Variants in RHBDL3 observed in about 807,000 individuals in gnomAD.
RHBDL3 encodes the protein rhomboid-related protein 3.
A neutral mutation model predicts 48.2 loss-of-function variants in RHBDL3; 28 were observed. That is an observed-to-expected ratio of 0.58 (90% CI 0.43 to 0.80). The LOEUF (loss-of-function observed/expected upper bound fraction) is 0.80, where lower values mean the gene tolerates loss of function less well. Among genes scored for constraint, RHBDL3 ranks in the 30% least tolerant of loss-of-function variants. The pLI, the probability that RHBDL3 is intolerant of heterozygous loss-of-function variation, is 0.00. For synonymous variants in RHBDL3, 208 were observed against 232.3 expected, an observed-to-expected ratio of 0.90 and a Z score of 0.95; for missense variants, 464 against 542.7, an observed-to-expected ratio of 0.85 and a Z score of 1.44.
intron 2 of RHBDL3, among the ~76,000 whole-genome samples, chr17:32,275,365 A>G (rs2039873500): frequency 6.6e-6 from 1 of 152,198 alleles, no homozygotes; most frequent in African/African-American, 2.4e-5. Flanking sequence ...TGCCAAAGGC[A>G]GGGGCCATTC....
In RHBDL3 at chr17:32,288,924, A is replaced by C; in HGVS notation, c.427A>C (p.Thr143Pro). 1 of 1,614,132 alleles carries C rather than the reference A, an allele frequency of 6.2e-7. No homozygotes were observed. Among genetic ancestry groups the C allele is most frequent in the Non-Finnish European group, 8.5e-7 (1 of 1,180,034 alleles). The change falls in exon 4 of 9, where the codon ACC (threonine) becomes CCC (proline). Residue 143 changes from threonine to proline, a missense_variant. By Grantham distance (38) the Thr-to-Pro change is conservative. Coordinates refer to ENST00000269051, the MANE Select transcript of RHBDL3 (RefSeq NM_138328.3). ...QRLIRHVAYE[T>P]LPREIDRKWY... is the part of the protein sequence containing the mutation. ...ACTTATCCGCCATGTGGCCTATGAG[A>C]CCCTGCCCCGGGAAATTGACCGCAA...
At chr17:32,281,538 G>A (rs753006845) in intron 2 of RHBDL3, among the ~76,000 whole-genome samples, 12 of 152,078 alleles carry the variant, frequency 7.9e-5, no homozygotes, top group East Asian at 3.9e-4. Context: ...TTCTCAGCCC[G>A]CACCCCACCC....
intron 7 of RHBDL3, among the ~76,000 whole-genome samples, chr17:32,313,162 A>C (rs949212867): frequency 8.6e-5 from 13 of 152,002 alleles, no homozygotes; most frequent in Non-Finnish European, 1.8e-4. Context: ...TTCAAGACCA[A>C]CCTGACAACA....
At chr17:32,266,471 A>G (rs865920755) in intron 1 of RHBDL3, among the ~76,000 whole-genome samples, 171 bp downstream of exon 1, 69 of 151,856 alleles carry the variant, frequency 4.5e-4, no homozygotes, top group African/African-American at 1.5e-3. Flanking sequence ...TCTCCCCGAA[A>G]CGCGCGCGCA....
rs1340336713 is a variant in RHBDL3 at position 32,319,177 on chromosome 17, C to CT, written c.944-1778dup. Among the ~76,000 whole-genome samples the CT allele has an allele frequency of 2.6e-5, 4 of 151,588 alleles. No homozygotes were observed. The East Asian group carries it at 5.8e-4, about 22-fold the overall frequency. On this transcript the variant is annotated intron_variant, in intron 8 of 8. Transcript: ENST00000269051. ...GTGGCTCACGCTTGTAATCCCAGCACTTTGGGAGGCCGAGGCGGACGGATC... is the reference window on the plus strand; with the variant it reads ...GTGGCTCACGCTTGTAATCCCAGCACTTTTGGGAGGCCGAGGCGGACGGATC...
chr17:32,272,388 G>A (rs553299331), intron 2 of RHBDL3, among the ~76,000 whole-genome samples: 7 of 152,356 alleles, frequency 4.6e-5, no homozygotes, highest in Non-Finnish European at 5.9e-5. Flanking sequence ...TGTTCTGGGA[G>A]CTGAAAAGAG....
chr17:32,279,041 T>C (rs553228572), intron 2 of RHBDL3, among the ~76,000 whole-genome samples: 1 of 152,070 alleles, frequency 6.6e-6, no homozygotes, highest in East Asian at 1.9e-4. Flanking sequence ...CACAGGAAGA[T>C]TGCTTGATCC....
rs575607621 is a variant in RHBDL3, at chr17:32,292,676, C to T, written c.520-1618C>T. ...AAAATTAGCTGGGCATGGTGGCACA[C>T]GTCTAATCCCAGCTACTTGGGAGGC... is the stretch of plus-strand genomic sequence containing the variant. On this transcript the variant is annotated intron_variant, in intron 4 of 8. Coordinates refer to ENST00000269051, the MANE Select transcript of RHBDL3 (RefSeq NM_138328.3). Among the ~76,000 whole-genome samples the T allele has an allele frequency of 2.1e-4, 32 of 151,968 alleles. 1 individual carries two copies. In the South Asian group the frequency reaches 5.8e-3, roughly 28 times the overall value.
In RHBDL3 at chr17:32,288,841, A is replaced by T. The variant is rs764586713; in HGVS notation, c.344A>T (p.Asn115Ile). 5.6e-6 allele frequency: 9 copies of T among 1,614,038 alleles called. No individual in the cohort carries two copies. Among genetic ancestry groups the T allele is most frequent in the South Asian group, 5.5e-5 (5 of 91,066 alleles). The change falls in exon 4 of 9, where the codon AAC becomes ATC. Residue 115 changes from asparagine to isoleucine, a missense_variant. By Grantham distance (149) the Asn-to-Ile change is moderately radical (BLOSUM62 -3). Transcript: ENST00000269051. Reference protein sequence around the residue: ...NSFRQAILQGNRRLSSKALLE... With the variant: ...NSFRQAILQGIRRLSSKALLE... ...TTCCGCCAAGCCATCCTGCAGGGCA[A>T]CCGCAGGCTAAGCAGCAAGGCCCTG... is the stretch of plus-strand genomic sequence containing the variant.
chr17:32,296,052 C>CCG (rs2040437867), intron 5 of RHBDL3, among the ~76,000 whole-genome samples: 1 of 151,850 alleles, frequency 6.6e-6, no homozygotes, highest in Non-Finnish European at 1.5e-5. Flanking sequence ...TGGTGAAACC[C>CCG]CGTCTCTACT....
chr17:32,301,255 C>A (rs2040575803), intron 6 of RHBDL3, among the ~76,000 whole-genome samples: 1 of 151,714 alleles, frequency 6.6e-6, no homozygotes, highest in Non-Finnish European at 1.5e-5. Context: ...ATATGGCACA[C>A]AATGTAGGTA....
chr17:32,312,134 C>T (rs1234557481), intron 7 of RHBDL3, among the ~76,000 whole-genome samples: 1 of 152,238 alleles, frequency 6.6e-6, no homozygotes, highest in African/African-American at 2.4e-5. Flanking sequence ...ACACTGTCTT[C>T]AGATAAGATA....
At chr17:32,267,250 C>A (rs941123399) in intron 1 of RHBDL3, among the ~76,000 whole-genome samples, 3 of 152,062 alleles carry the variant, frequency 2.0e-5, no homozygotes, top group African/African-American at 7.2e-5. Flanking sequence ...TCCTTCTGGC[C>A]CTAAACCCCT....
At chr17:32,277,504 C>T (rs2039942270) in intron 2 of RHBDL3, among the ~76,000 whole-genome samples, 1 of 152,216 alleles carries the variant, frequency 6.6e-6, no homozygotes, top group Non-Finnish European at 1.5e-5. Context: ...GGGTTTGCTC[C>T]CTGAGAGCTC....
intron 8 of RHBDL3, 75 bp downstream of exon 8, chr17:32,316,367 C>A (rs2040973825): frequency 1.8e-6 from 2 of 1,132,048 alleles, no homozygotes; most frequent in Non-Finnish European, 2.7e-6. Context: ...ACAGTTCCTG[C>A]CCTTCACGGG....
intron 2 of RHBDL3, chr17:32,280,953 A>G: frequency 6.5e-6 from 1 of 152,782 alleles, no homozygotes; most frequent in Non-Finnish European, 1.5e-5. Context: ...GGGGGTTGAA[A>G]GGTGTCCTGT....
At chr17:32,276,058 G>C (rs1257000753) in intron 2 of RHBDL3, among the ~76,000 whole-genome samples, 1 of 152,180 alleles carries the variant, frequency 6.6e-6, no homozygotes, top group African/African-American at 2.4e-5. Context: ...ATGTCTCTGA[G>C]TACCTCAATT....
chr17:32,272,500 A>G (rs947713905), intron 2 of RHBDL3, among the ~76,000 whole-genome samples: 3 of 152,158 alleles, frequency 2.0e-5, no homozygotes, highest in Non-Finnish European at 4.4e-5. Flanking sequence ...ATTAACCAGC[A>G]GAGCAGGGTT....
chr17:32,319,731 G>C (rs548073236), intron 8 of RHBDL3, among the ~76,000 whole-genome samples: 2 of 152,354 alleles, frequency 1.3e-5, no homozygotes, highest in Non-Finnish European at 1.5e-5. Flanking sequence ...AGGGTGGAGA[G>C]AAGTGCCCTG....
Sources: gnomAD v4.1 joint callset for allele counts (sites outside exome capture counted in the v4.1 genomes callset) on GRCh38, gnomAD v4.1.1 for gene constraint, MANE v1.5 for transcripts, NCBI Gene and HGNC (gene_info 2026-07-23, HGNC 2026-07-21) for gene names.